The following TECR variants were observed in gnomAD, a reference collection of about 807,000 sequenced individuals.
TECR encodes the protein very-long-chain enoyl-CoA reductase.
A neutral mutation model predicts 50.6 loss-of-function variants in TECR; 19 were observed. The ratio of observed to expected loss-of-function variants is 0.38; its 90% confidence interval spans 0.26 to 0.55. The LOEUF (loss-of-function observed/expected upper bound fraction) is 0.55, where lower values mean the gene tolerates loss of function less well. Ranked by LOEUF, TECR falls within the 20% of genes least tolerant of loss-of-function variation. The pLI, the probability that TECR is intolerant of heterozygous loss-of-function variation, is 0.79. For missense variants in TECR, 313 were observed against 408.3 expected (o/e 0.77, Z 2.01); for synonymous variants, 168 against 163.5 (o/e 1.03, Z -0.21).
chr19:14,558,446 C>A (rs904777458), intron 1 of TECR, among the ~76,000 whole-genome samples: 1 of 152,214 alleles, frequency 6.6e-6, no homozygotes, highest in Non-Finnish European at 1.5e-5. Context: ...CACCGTGTGT[C>A]CTGGCTCTTG....
intron 1 of TECR, among the ~76,000 whole-genome samples, chr19:14,535,994 G>T (rs1003474477): frequency 6.6e-6 from 1 of 152,016 alleles, no homozygotes; most frequent in Non-Finnish European, 1.5e-5. Flanking sequence ...CCATTTCTTT[G>T]CTGTAGGCAC....
chr19:14,535,564 A>ATATG (rs2072859737), intron 1 of TECR, among the ~76,000 whole-genome samples: 1 of 24,880 alleles, frequency 4.0e-5, no homozygotes, highest in Non-Finnish European at 7.9e-5. Context: ...ATATATATAT[A>ATATG]TATATATATA....
At chr19:14,565,582 A>T (rs971385580) in intron 11 of TECR, 36 bp from the exon 12 acceptor site, 1 of 1,599,182 alleles carries the variant, frequency 6.3e-7, no homozygotes, top group Non-Finnish European at 8.5e-7. Flanking sequence ...ACGGGTTGCG[A>T]GGCTGCCCAC....
At chr19:14,553,080 T>C (rs1396348309) in intron 1 of TECR, among the ~76,000 whole-genome samples, 1 of 151,986 alleles carries the variant, frequency 6.6e-6, no homozygotes, top group African/African-American at 2.4e-5. Flanking sequence ...AACTTCCCAC[T>C]GTGTTTGTCT....
chr19:14,529,553 GGC>G, upstream of TECR: 2 of 1,286,294 alleles, frequency 1.6e-6, no homozygotes, highest in Middle Eastern at 2.5e-4. Context: ...TGGCCGACGG[GGC>G]GCGCGCGGCC....
At chr19:14,552,243 A>G (rs1237837386) in intron 1 of TECR, among the ~76,000 whole-genome samples, 1 of 138,896 alleles carries the variant, frequency 7.2e-6, no homozygotes, top group Non-Finnish European at 1.5e-5. Context: ...ATGATAGGTC[A>G]CTGCAGCCTT....
chr19:14,558,039 G>A (rs2073792344), intron 1 of TECR, among the ~76,000 whole-genome samples: 1 of 152,102 alleles, frequency 6.6e-6, no homozygotes, highest in Admixed American at 6.6e-5. Flanking sequence ...ACAGGCGTGA[G>A]CCACCACGCC....
chr19:14,553,151 G>A (rs2073596485), intron 1 of TECR, among the ~76,000 whole-genome samples: 2 of 152,234 alleles, frequency 1.3e-5, no homozygotes, highest in Middle Eastern at 3.4e-3. Context: ...GAGCTCGTGC[G>A]TCCGATGACC....
chr19:14,565,141 G>A lies in TECR; in HGVS notation c.664+18G>A. On this transcript the variant is annotated intron_variant, in intron 10 of 12. Transcript: ENST00000215567. ...GCCCGCTGGTGAGTGCCTGCTGGGG[G>A]CAGGGGGACAGCTGGGCTGGGTGAG... 1.2e-6 allele frequency: 2 copies of A among 1,613,758 alleles called. No individual in the cohort carries two copies. The highest frequency in any genetic ancestry group is 1.7e-6 in the Non-Finnish European group (2 of 1,180,024).
At chr19:14,558,463 C>T (rs972951299) in intron 1 of TECR, among the ~76,000 whole-genome samples, 1 of 152,244 alleles carries the variant, frequency 6.6e-6, no homozygotes, top group African/African-American at 2.4e-5. Context: ...CTTGGCTCTG[C>T]CCTGACCTCG....
At chr19:14,529,521 C>T (rs1384686372), upstream of TECR, 4 of 831,794 alleles carry the variant, frequency 4.8e-6, no homozygotes, top group East Asian at 2.6e-5. Context: ...CAGGGGCGAA[C>T]GTGGGCGCCT....
chr19:14,538,536 C>T (rs200773393), intron 1 of TECR, among the ~76,000 whole-genome samples: 7 of 136,768 alleles, frequency 5.1e-5, no homozygotes, highest in East Asian at 2.1e-4. Flanking sequence ...TCTTTTTTTT[C>T]TTTTTTTTTT....
chr19:14,530,708 C>G (rs1267894928), intron 1 of TECR: 2 of 152,146 alleles, frequency 1.3e-5, no homozygotes, highest in East Asian at 3.9e-4. Context: ...CCATGCTGGT[C>G]CTCAAATGAA....
At chr19:14,542,347 G>GTTTTTTTTTTT (rs71166754) in intron 1 of TECR, among the ~76,000 whole-genome samples, 1,275 of 43,296 alleles carry the variant, frequency 0.029, 282 homozygotes, top group Non-Finnish European at 0.044. Flanking sequence ...ATGCCATAGT[G>GTTTTTTTTTTT]TTTTTTTTTT....
At chr19:14,547,875 T>C (rs1385418187) in intron 1 of TECR, among the ~76,000 whole-genome samples, 6 of 151,402 alleles carry the variant, frequency 4.0e-5, no homozygotes, top group Admixed American at 6.6e-5. Context: ...TTGCCCAGGT[T>C]GGTCTTGGGT....
chr19:14,543,659 C>T (rs573704725), intron 1 of TECR, among the ~76,000 whole-genome samples: 11 of 150,088 alleles, frequency 7.3e-5, no homozygotes, highest in African/African-American at 2.2e-4. Context: ...AGGATGGTCT[C>T]GATCTCCTGA....
At chr19:14,547,193 A>C (rs1262664684) in intron 1 of TECR, among the ~76,000 whole-genome samples, 1 of 152,138 alleles carries the variant, frequency 6.6e-6, no homozygotes, top group Non-Finnish European at 1.5e-5. Context: ...CAAATTACTG[A>C]AGCATTTAGA....
At chr19:14,529,561 C>A, upstream of TECR, 2 of 1,368,616 alleles carry the variant, frequency 1.5e-6, no homozygotes, top group Non-Finnish European at 1.0e-6. Flanking sequence ...GGGGCGCGCG[C>A]GGCCTGGAGG....
At chr19:14,538,461 G>T (rs560109239) in intron 1 of TECR, among the ~76,000 whole-genome samples, 2 of 152,232 alleles carry the variant, frequency 1.3e-5, no homozygotes, top group South Asian at 4.1e-4. Flanking sequence ...GGTAAGGACA[G>T]ATCAGCATCC....
Sources: allele counts gnomAD v4.1 joint callset (sites outside exome capture counted in the v4.1 genomes callset), GRCh38; gene constraint gnomAD v4.1.1; transcripts MANE v1.5; gene names NCBI Gene and HGNC (gene_info 2026-07-23, HGNC 2026-07-21).